Variants in OIP5 observed in about 807,000 individuals in gnomAD.
OIP5 encodes protein Mis18-beta.
In OIP5, 24 loss-of-function variants were observed where a neutral mutation model predicts 20.3. That is an observed-to-expected ratio of 1.18 (90% CI 0.86 to 1.66). The LOEUF is 1.66. Among genes scored for constraint, OIP5 ranks in the 40% most tolerant of loss-of-function variants. OIP5 has a pLI of 0.00. For synonymous variants in OIP5, 143 were observed against 121.3 expected (o/e 1.18, Z -1.17); for missense variants, 339 against 289.5 (o/e 1.17, Z -1.24).
At chr15:41,316,663 G>C (rs1023593834) in intron 3 of OIP5, among the ~76,000 whole-genome samples, 1 of 151,592 alleles carries the variant, frequency 6.6e-6, no homozygotes, top group Non-Finnish European at 1.5e-5. Flanking sequence ...GGTGGTGGGC[G>C]CCTGTAGTTC....
At chr15:41,330,887 A>T (rs547292373) in intron 2 of OIP5, among the ~76,000 whole-genome samples, 7 of 152,286 alleles carry the variant, frequency 4.6e-5, no homozygotes, top group Admixed American at 4.6e-4. Flanking sequence ...GAGCACATTC[A>T]GGAACCTTCT....
At chr15:41,315,389 A>G (rs1426617586) in intron 3 of OIP5, among the ~76,000 whole-genome samples, 2 of 151,072 alleles carry the variant, frequency 1.3e-5, no homozygotes, top group Admixed American at 1.3e-4. Context: ...AGATCACACC[A>G]CTGTGTTCCA....
At chr15:41,325,761 A>C (rs1296722729) in intron 2 of OIP5, among the ~76,000 whole-genome samples, 1 of 149,860 alleles carries the variant, frequency 6.7e-6, no homozygotes, top group Non-Finnish European at 1.5e-5. Context: ...GAGGCAGGAG[A>C]GTTGCTTGAA....
In OIP5 at chr15:41,329,535, C is replaced by A. The variant is rs928871241; in HGVS notation, c.389+2380G>T. Among the ~76,000 whole-genome samples, 5 of 151,796 alleles carry A rather than the reference C, an allele frequency of 3.3e-5. No individual in the cohort carries two copies. In the East Asian group the frequency reaches 9.7e-4, roughly 29 times the overall value. ...TTCACCATACTGGCCAGGCTGGTCC[C>A]GAACTCCCGACCTTGTGATCTGCCT... On this transcript the variant is annotated intron_variant, in intron 2 of 4. Coordinates refer to ENST00000220514, the MANE Select transcript of OIP5 (RefSeq NM_007280.2).
chr15:41,311,254 G>A (rs182304777), intron 4 of OIP5, among the ~76,000 whole-genome samples: 235 of 152,250 alleles, frequency 1.5e-3, no homozygotes, highest in Non-Finnish European at 2.3e-3. Flanking sequence ...GGTAGTGCGC[G>A]CCTGTAGTCC....
At chr15:41,332,063 G>T in intron 1 of OIP5, 82 bp from the exon 2 acceptor site, 2 of 1,437,218 alleles carry the variant, frequency 1.4e-6, no homozygotes, top group Non-Finnish European at 9.8e-7. Context: ...ACTCATCCTG[G>T]CCGTAAATAT....
At chr15:41,313,440 G>A (rs1173988597) in intron 3 of OIP5, 86 bp from the exon 4 acceptor site, 11 of 731,060 alleles carry the variant, frequency 1.5e-5, no homozygotes, top group Non-Finnish European at 2.5e-5. Context: ...GAAAGTATGT[G>A]TCAAAAAAAG....
chr15:41,318,591 TG>T lies in OIP5; in HGVS notation c.512+1066del, dbSNP rs2047803079. 2.6e-5 allele frequency among the ~76,000 whole-genome samples: 4 copies of T among 152,240 alleles called. No homozygotes were observed. In the South Asian group the frequency reaches 8.3e-4, roughly 32 times the overall value. ...AATTACAGGCACACACCACCACATC[TG>T]GCAACAAGTTTCTTTAATGAAAGAA... On this transcript the variant is annotated intron_variant, in intron 3 of 4. Transcript: ENST00000220514.
chr15:41,323,985 CTTTTT>C (rs869073906), intron 2 of OIP5, among the ~76,000 whole-genome samples: 1 of 107,042 alleles, frequency 9.3e-6, no homozygotes, highest in Non-Finnish European at 1.8e-5. Flanking sequence ...CCAACCTCTG[CTTTTT>C]TTTTTTTTTT....
chr15:41,312,789 C>T (rs1360079682), intron 4 of OIP5, among the ~76,000 whole-genome samples: 4 of 152,084 alleles, frequency 2.6e-5, no homozygotes, highest in Non-Finnish European at 4.4e-5. Context: ...CCACCACGCC[C>T]GGCTAATTTT....
intron 3 of OIP5, among the ~76,000 whole-genome samples, chr15:41,314,030 C>T (rs1033328757): frequency 2.0e-5 from 3 of 152,070 alleles, no homozygotes; most frequent in Non-Finnish European, 4.4e-5. Context: ...TCAGTAGGAT[C>T]CTGTAGCACA....
chr15:41,316,971 G>A (rs2047792281), intron 3 of OIP5, among the ~76,000 whole-genome samples: 1 of 152,066 alleles, frequency 6.6e-6, no homozygotes. Context: ...AAACTAGGTT[G>A]TCAATGCTTG....
At chr15:41,314,406 C>T (rs1261057724) in intron 3 of OIP5, among the ~76,000 whole-genome samples, 1 of 151,876 alleles carries the variant, frequency 6.6e-6, no homozygotes, top group Non-Finnish European at 1.5e-5. Context: ...GCCTTCCTCA[C>T]TTCTTTATTG....
chr15:41,312,627 ATTTT>A (rs907153998), intron 4 of OIP5, among the ~76,000 whole-genome samples: 2 of 127,026 alleles, frequency 1.6e-5, no homozygotes, highest in African/African-American at 6.2e-5. Context: ...GACCGGCTAA[ATTTT>A]TTTTTTTTTT....
intron 3 of OIP5, among the ~76,000 whole-genome samples, chr15:41,317,298 C>T (rs2047794072): frequency 6.6e-6 from 1 of 151,956 alleles, no homozygotes. Flanking sequence ...ACTATCTACA[C>T]GTAACTGGTA....
At chr15:41,319,178 T>C (rs2140461618) in intron 3 of OIP5, among the ~76,000 whole-genome samples, 2 of 151,758 alleles carry the variant, frequency 1.3e-5, no homozygotes, top group Middle Eastern at 6.8e-3. Flanking sequence ...GTTGAAGCAA[T>C]TCTCTTGCCG....
In OIP5 at chr15:41,312,160, T is replaced by G. The variant is rs2140457964; in HGVS notation, c.594+1113A>C. 1.4e-5 allele frequency among the ~76,000 whole-genome samples: 2 copies of G among 147,556 alleles called. 1 individual carries two copies. Among genetic ancestry groups the G allele is most frequent in the South Asian group, 4.3e-4 (2 of 4,638 alleles). ...TAAGCCACCATGCCCAGCCTTCTTT[T>G]TTTCTTTTTTTTTTTTTTGAGACAG... On this transcript the variant is annotated intron_variant, in intron 4 of 4. Transcript: ENST00000220514.
At chr15:41,321,095 C>A (rs1179730978) in intron 2 of OIP5, among the ~76,000 whole-genome samples, 2 of 106,828 alleles carry the variant, frequency 1.9e-5, no homozygotes, top group Non-Finnish European at 2.5e-5. Flanking sequence ...CGGCAGCCAC[C>A]CCATCTGGGA....
intron 3 of OIP5, among the ~76,000 whole-genome samples, chr15:41,317,482 T>A (rs7176314): frequency 0.086 from 13,040 of 151,356 alleles, 721 homozygotes; most frequent in African/African-American, 0.16. Flanking sequence ...CCGGTTCAAG[T>A]GATTCTCCTG....
Sources: gnomAD v4.1 joint callset for allele counts (sites outside exome capture counted in the v4.1 genomes callset) on GRCh38, gnomAD v4.1.1 for gene constraint, MANE v1.5 for transcripts, NCBI Gene and HGNC (gene_info 2026-07-23, HGNC 2026-07-21) for gene names.